Variants in NCEH1 observed in about 807,000 individuals in gnomAD.
The protein encoded by NCEH1 is 2-acetyl MAGE hydrolase.
In NCEH1, 9 loss-of-function variants were observed where a neutral mutation model predicts 25.4. That is an observed-to-expected ratio of 0.35 (90% CI 0.21 to 0.62). The LOEUF (loss-of-function observed/expected upper bound fraction) is 0.62, where lower values mean the gene tolerates loss of function less well. Ranked by LOEUF, NCEH1 falls within the 20% of genes least tolerant of loss-of-function variation. NCEH1 has a pLI of 0.72. For synonymous variants in NCEH1, 200 were observed against 199.8 expected, an observed-to-expected ratio of 1.00 and a Z score of -0.01; for missense variants, 412 against 501.1, an observed-to-expected ratio of 0.82 and a Z score of 1.70.
chr3:172,669,163 C>T (rs566136469), intron 1 of NCEH1, among the ~76,000 whole-genome samples: 107 of 152,298 alleles, frequency 7.0e-4, no homozygotes, highest in African/African-American at 2.5e-3. Flanking sequence ...CGTTTTGATT[C>T]AACTTCTCAT....
intron 1 of NCEH1, among the ~76,000 whole-genome samples, chr3:172,672,125 C>A (rs1270131520): frequency 6.6e-6 from 1 of 152,108 alleles, no homozygotes; most frequent in African/African-American, 2.4e-5. Flanking sequence ...TTTGCTGTAC[C>A]TTTTCTATGT....
At chr3:172,710,332 C>G (rs569352246) in intron 1 of NCEH1, among the ~76,000 whole-genome samples, 61 of 152,320 alleles carry the variant, frequency 4.0e-4, no homozygotes, top group African/African-American at 1.4e-3. Context: ...GAGAGCCCTG[C>G]CTGCTGTCTC....
Position 172,673,459 on chromosome 3 carries a change from A to C in NCEH1, c.139-25345T>G, listed in dbSNP as rs538387569. ...TAAGAGCTCTTACAAGAGCACCTAA[A>C]TTAAGCAAGGGAAAGGTGGCTAACA... On this transcript the variant is annotated intron_variant, in intron 1 of 4. Coordinates refer to ENST00000475381, the MANE Select transcript of NCEH1 (RefSeq NM_020792.6). 2.1e-3 allele frequency among the ~76,000 whole-genome samples: 321 copies of C among 152,360 alleles called. 4 individuals carry two copies. The highest frequency in any genetic ancestry group is 0.017 in the Middle Eastern group (5 of 294).
chr3:172,646,644 C>T (rs758241610), intron 2 of NCEH1, among the ~76,000 whole-genome samples: 5 of 152,112 alleles, frequency 3.3e-5, no homozygotes, highest in Admixed American at 6.6e-5. Flanking sequence ...GTCTTAGAAT[C>T]GGAAGCTTAA....
intron 1 of NCEH1, among the ~76,000 whole-genome samples, chr3:172,698,278 C>T (rs1301314761): frequency 6.6e-6 from 1 of 152,022 alleles, no homozygotes; most frequent in Non-Finnish European, 1.5e-5. Context: ...CACCCGGCCT[C>T]TAAAAGCAGA....
chr3:172,672,708 G>C (rs1711707460), intron 1 of NCEH1, among the ~76,000 whole-genome samples: 1 of 152,242 alleles, frequency 6.6e-6, no homozygotes, highest in African/African-American at 2.4e-5. Context: ...AAAAGAAAGA[G>C]AGAAAGCTCA....
intron 1 of NCEH1, among the ~76,000 whole-genome samples, chr3:172,657,734 G>A (rs1043676900): frequency 2.6e-5 from 4 of 152,116 alleles, no homozygotes; most frequent in African/African-American, 7.2e-5. Flanking sequence ...ATCTAAAGTT[G>A]GCATTCCAGT....
intron 1 of NCEH1, among the ~76,000 whole-genome samples, chr3:172,659,439 A>T (rs1048924368): frequency 6.6e-6 from 1 of 152,126 alleles, no homozygotes; most frequent in Non-Finnish European, 1.5e-5. Context: ...AGATGTGTTG[A>T]CTCAAAGTCA....
intron 1 of NCEH1, among the ~76,000 whole-genome samples, chr3:172,692,204 A>C (rs1713101044): frequency 6.6e-6 from 1 of 152,190 alleles, no homozygotes; most frequent in Admixed American, 6.5e-5. Flanking sequence ...TACAGCAAGA[A>C]AGACAGACTT....
chr3:172,654,881 G>GA (rs1259789575), intron 1 of NCEH1, among the ~76,000 whole-genome samples: 2 of 151,966 alleles, frequency 1.3e-5, no homozygotes, highest in African/African-American at 4.8e-5. Context: ...TCTATTATAA[G>GA]AAAAAATCTA....
At chr3:172,663,723 C>T (rs1718074947) in intron 1 of NCEH1, among the ~76,000 whole-genome samples, 2 of 152,206 alleles carry the variant, frequency 1.3e-5, no homozygotes, top group African/African-American at 4.8e-5. Flanking sequence ...TAATGGCCTT[C>T]TTTGTCTCTT....
At chr3:172,648,862 T>C (rs780890965) in intron 1 of NCEH1, among the ~76,000 whole-genome samples, 2 of 151,976 alleles carry the variant, frequency 1.3e-5, no homozygotes, top group Non-Finnish European at 2.9e-5. Flanking sequence ...AGAAGGAACA[T>C]AGCAAGGAGA....
At chr3:172,663,625 C>T (rs1718068505) in intron 1 of NCEH1, among the ~76,000 whole-genome samples, 1 of 152,130 alleles carries the variant, frequency 6.6e-6, no homozygotes, top group African/African-American at 2.4e-5. Context: ...TAAGGACTTG[C>T]TTTATGAATC....
intron 1 of NCEH1, among the ~76,000 whole-genome samples, chr3:172,699,623 G>A (rs984531797): frequency 3.9e-5 from 6 of 152,152 alleles, no homozygotes; most frequent in Non-Finnish European, 4.4e-5. Flanking sequence ...CCAGCACTTT[G>A]GGAGGCTGAG....
At chr3:172,677,795 G>A (rs973710817) in intron 1 of NCEH1, among the ~76,000 whole-genome samples, 1 of 152,222 alleles carries the variant, frequency 6.6e-6, no homozygotes, top group Non-Finnish European at 1.5e-5. Context: ...AGGCGTGGTG[G>A]TGGGCACCTG....
rs1458801379 is a variant in NCEH1, at chr3:172,647,966, T to A, written c.287A>T (p.Glu96Val). The change falls in exon 2 of 5, where the codon GAA (glutamate) becomes GTA (valine). Residue 96 changes from glutamate to valine, a missense_variant. Physicochemically the swap from Glu to Val is moderately radical, Grantham distance 121. Transcript: ENST00000475381. ...TGGCTCTTCGGGCTTCGGAGGGCCTTCAAACACTCTGACTTCCACACCATC... is the reference window on the plus strand; with the variant it reads ...TGGCTCTTCGGGCTTCGGAGGGCCTACAAACACTCTGACTTCCACACCATC... Reference protein sequence around the residue: ...DFDGVEVRVFEGPPKPEEPLK... With the variant: ...DFDGVEVRVFVGPPKPEEPLK... 2 of 1,614,080 alleles carry A rather than the reference T, an allele frequency of 1.2e-6. No homozygotes were observed. The highest frequency in any genetic ancestry group is 1.3e-5 in the African/African-American group (1 of 74,934).
chr3:172,633,207 T>G lies in NCEH1; in HGVS notation c.*268A>C. 1 of 397,886 alleles carries G rather than the reference T, an allele frequency of 2.5e-6. No individual in the cohort carries two copies. The highest frequency in any genetic ancestry group is 4.5e-6 in the Non-Finnish European group (1 of 220,272). The allele number at this position is 397,886 out of a possible 1,614,324, so 24.6% of individuals were successfully genotyped here. ...AGTTCCTAGTCCTGCTTTCTGTAGC[T>G]GTAGGTATCAGTATAGTTGGCTAAG... On this transcript the variant is annotated 3_prime_UTR_variant, in exon 5 of 5. Transcript: ENST00000475381.
rs143065422 is a variant in NCEH1, at chr3:172,668,863, T to C, written c.139-20749A>G. ...AGAGCGTGAGCAAGCTAAATATAGC[T>C]AGGTATTAGGTCAGTATGATGAAAA... On this transcript the variant is annotated intron_variant, in intron 1 of 4. Transcript: ENST00000475381. 9.0e-3 allele frequency among the ~76,000 whole-genome samples: 1,369 copies of C among 151,778 alleles called. 23 individuals are homozygous for C. The highest frequency in any genetic ancestry group is 0.032 in the African/African-American group (1,314 of 41,086).
intron 4 of NCEH1, among the ~76,000 whole-genome samples, chr3:172,634,794 A>C (rs995363012): frequency 1.7e-4 from 26 of 152,354 alleles, no homozygotes; most frequent in African/African-American, 6.3e-4. Context: ...ATCTAAAAGA[A>C]AGCTAACTAG....
Sources: allele counts gnomAD v4.1 joint callset (sites outside exome capture counted in the v4.1 genomes callset), GRCh38; gene constraint gnomAD v4.1.1; transcripts MANE v1.5; gene names NCBI Gene and HGNC (gene_info 2026-07-23, HGNC 2026-07-21).